The following TMEM74 variants were observed in gnomAD, a reference collection of about 807,000 sequenced individuals.
TMEM74 encodes the protein transmembrane protein 74.
TMEM74 carries 13 observed loss-of-function variants against 18.1 expected under a neutral mutation model. That is an observed-to-expected ratio of 0.72 (90% CI 0.47 to 1.14). The LOEUF is 1.14. TMEM74 is among the 50% of genes most tolerant of loss of function. The pLI, the probability that TMEM74 is intolerant of heterozygous loss-of-function variation, is 0.00. For synonymous variants in TMEM74, 159 were observed against 146.6 expected, an observed-to-expected ratio of 1.08 and a Z score of -0.61; for missense variants, 372 against 375.9, an observed-to-expected ratio of 0.99 and a Z score of 0.09.
intron 1 of TMEM74, among the ~76,000 whole-genome samples, chr8:108,745,766 C>A (rs1198445446): frequency 6.6e-6 from 1 of 152,164 alleles, no homozygotes; most frequent in Non-Finnish European, 1.5e-5. Flanking sequence ...GAAATGAAAT[C>A]CACAGGCAGA....
chr8:108,633,754 C>T (rs1319915598), intron 2 of TMEM74, among the ~76,000 whole-genome samples: 1 of 151,978 alleles, frequency 6.6e-6, no homozygotes, highest in Non-Finnish European at 1.5e-5. Flanking sequence ...TTTCCAAATG[C>T]TCTCTAATGG....
At chr8:108,692,834 G>A (rs1334671854) in intron 1 of TMEM74, among the ~76,000 whole-genome samples, 1 of 152,130 alleles carries the variant, frequency 6.6e-6, no homozygotes, top group Non-Finnish European at 1.5e-5. Context: ...ATAATTGCCT[G>A]TTAGTCAAAA....
chr8:108,659,891 C>T (rs924846604), intron 1 of TMEM74, among the ~76,000 whole-genome samples: 2 of 152,072 alleles, frequency 1.3e-5, no homozygotes, highest in African/African-American at 4.8e-5. Flanking sequence ...TTACTCAGTA[C>T]AGTGAGAGCA....
chr8:108,667,441 G>C (rs1376850443), intron 1 of TMEM74, among the ~76,000 whole-genome samples: 7 of 152,080 alleles, frequency 4.6e-5, no homozygotes, highest in African/African-American at 1.7e-4. Context: ...AGTAATTTTT[G>C]ATGAGTCACT....
chr8:108,785,333 A>T (rs761926582), intron 1 of TMEM74, among the ~76,000 whole-genome samples, 196 bp from the exon 2 acceptor site: 22 of 152,212 alleles, frequency 1.4e-4, no homozygotes, highest in Non-Finnish European at 2.9e-4. Context: ...CACTTGTCAT[A>T]GTGATTAACA....
At chr8:108,657,936 G>A (rs1180925480) in intron 1 of TMEM74, among the ~76,000 whole-genome samples, 1 of 127,356 alleles carries the variant, frequency 7.9e-6, no homozygotes, top group African/African-American at 3.1e-5. Context: ...GAAGTCCAAG[G>A]TCTATCACTT....
intron 2 of TMEM74, among the ~76,000 whole-genome samples, chr8:108,618,200 T>G (rs1451442221): frequency 6.6e-6 from 1 of 152,188 alleles, no homozygotes; most frequent in Non-Finnish European, 1.5e-5. Context: ...GGCTATATTT[T>G]GAAAGTAAGG....
At chr8:108,769,211 C>T (rs1814144152) in intron 1 of TMEM74, among the ~76,000 whole-genome samples, 1 of 151,734 alleles carries the variant, frequency 6.6e-6, no homozygotes, top group African/African-American at 2.4e-5. Flanking sequence ...GCCTGTATTC[C>T]CAGCTACTCA....
intron 1 of TMEM74, among the ~76,000 whole-genome samples, chr8:108,682,206 A>G (rs1813121933): frequency 6.6e-6 from 1 of 152,000 alleles, no homozygotes; most frequent in Admixed American, 6.6e-5. Context: ...TTTAGTTTCA[A>G]TCCATTATCT....
In TMEM74 at chr8:108,742,782, C is replaced by G. The variant is rs2130647242; in HGVS notation, n.119+44694G>C. Among the ~76,000 whole-genome samples the G allele has an allele frequency of 2.0e-5, 3 of 152,266 alleles. No individual in the cohort carries two copies. In the South Asian group the frequency reaches 6.2e-4, roughly 32 times the overall value. ...GCTCTCTGAGAAAGCCTGGATTTTTCACTATAAAACAGACACAACAAGCCT... is the reference window on the plus strand; with the variant it reads ...GCTCTCTGAGAAAGCCTGGATTTTTGACTATAAAACAGACACAACAAGCCT... On this transcript the variant is annotated intron_variant and non_coding_transcript_variant, in intron 1 of 3. Coordinates refer to the TMEM74 transcript ENST00000518838.
chr8:108,634,524 G>A (rs1472150475), intron 2 of TMEM74, among the ~76,000 whole-genome samples: 4 of 151,846 alleles, frequency 2.6e-5, no homozygotes, highest in Non-Finnish European at 5.9e-5. Flanking sequence ...GCAGAATAAG[G>A]CTACCCACAC....
Position 108,785,123 on chromosome 8 carries a change from C to A in TMEM74, c.-25G>T. On this transcript the variant is annotated 5_prime_UTR_variant, in exon 2 of 2. Coordinates refer to ENST00000297459, the MANE Select transcript of TMEM74 (RefSeq NM_153015.3). ...TGAGAGCTAGTCAGACATCCCCCAG[C>A]AGCTTCCGGAAAGTCTGCCAATAGC... 6.5e-7 allele frequency: 1 copy of A among 1,548,698 alleles called. No homozygotes were observed. The highest frequency in any genetic ancestry group is 8.7e-7 in the Non-Finnish European group (1 of 1,152,026).
chr8:108,768,713 C>A (rs1563547078), intron 1 of TMEM74, among the ~76,000 whole-genome samples: 1 of 152,148 alleles, frequency 6.6e-6, no homozygotes, highest in Non-Finnish European at 1.5e-5. Flanking sequence ...CGCTTTTCTG[C>A]TACCATCAGC....
chr8:108,684,372 T>TC (rs1315009916), intron 1 of TMEM74, among the ~76,000 whole-genome samples: 3 of 152,136 alleles, frequency 2.0e-5, no homozygotes, highest in Non-Finnish European at 1.5e-5. Context: ...GAACATTTTT[T>TC]CATGGATTTG....
chr8:108,677,638 A>G (rs1000555577), intron 1 of TMEM74, among the ~76,000 whole-genome samples: 6 of 152,072 alleles, frequency 3.9e-5, no homozygotes, highest in African/African-American at 1.4e-4. Flanking sequence ...TTTTCCAGAA[A>G]TGCCTCAAAC....
intron 1 of TMEM74, among the ~76,000 whole-genome samples, chr8:108,732,714 A>G (rs1166617188): frequency 6.6e-6 from 1 of 151,960 alleles, no homozygotes; most frequent in Non-Finnish European, 1.5e-5. Context: ...ACATATTCAA[A>G]AATTAATTTG....
chr8:108,756,633 AG>A (rs1239814362), intron 1 of TMEM74, among the ~76,000 whole-genome samples: 67 of 100,136 alleles, frequency 6.7e-4, no homozygotes, highest in African/African-American at 2.4e-3. Context: ...GAAGGAAGGA[AG>A]GAAGGAAGAA....
intron 2 of TMEM74, among the ~76,000 whole-genome samples, chr8:108,634,324 G>T (rs1812584870): frequency 6.6e-6 from 1 of 151,932 alleles, no homozygotes; most frequent in Non-Finnish European, 1.5e-5. Context: ...TCATGTTTTG[G>T]CACTTGTAGA....
intron 1 of TMEM74, among the ~76,000 whole-genome samples, chr8:108,695,781 C>A (rs1403883477): frequency 6.6e-6 from 1 of 152,166 alleles, no homozygotes; most frequent in Non-Finnish European, 1.5e-5. Flanking sequence ...CATGGGCATA[C>A]TTTTCTTCCC....
Sources: gnomAD v4.1 joint callset for allele counts (sites outside exome capture counted in the v4.1 genomes callset) on GRCh38, gnomAD v4.1.1 for gene constraint, MANE v1.5 for transcripts, NCBI Gene and HGNC (gene_info 2026-07-23, HGNC 2026-07-21) for gene names.